The following ANO2 variants were observed in gnomAD, a reference collection of about 807,000 sequenced individuals.
ANO2 encodes the protein anoctamin-2.
Under a neutral mutation model 124.2 loss-of-function variants are expected in ANO2, and 101 were observed. The observed-to-expected ratio is 0.81, with a 90% CI of 0.69 to 0.96. The LOEUF is 0.96. ANO2 is among the 40% of genes least tolerant of loss of function. The probability of loss-of-function intolerance (pLI) is 0.00; values close to 1 mark genes in which losing one functional copy is unlikely to be tolerated. For synonymous variants in ANO2, 486 were observed against 482.5 expected (o/e 1.01, Z -0.09); for missense variants, 1,293 against 1,274.5 (o/e 1.01, Z -0.22).
chr12:5,830,286 G>A (rs1954108578), intron 6 of ANO2, 149 bp downstream of exon 6: 1 of 691,424 alleles, frequency 1.4e-6, no homozygotes, highest in African/African-American at 1.8e-5. Flanking sequence ...TGGGGAATGG[G>A]GAAGCTCTTG....
chr12:5,596,560 T>A (rs921087633), intron 20 of ANO2, among the ~76,000 whole-genome samples: 8 of 152,332 alleles, frequency 5.3e-5, no homozygotes, highest in East Asian at 1.9e-4. Context: ...GGTTTTTCAG[T>A]CTATGGTCTG....
At chr12:5,649,891 C>T (rs527338194) in intron 14 of ANO2, among the ~76,000 whole-genome samples, 8 of 152,230 alleles carry the variant, frequency 5.3e-5, no homozygotes, top group Admixed American at 3.3e-4. Context: ...TGATCTGATC[C>T]GCCTGCCTTG....
chr12:5,710,986 G>A (rs1452797871), intron 14 of ANO2, among the ~76,000 whole-genome samples: 2 of 151,634 alleles, frequency 1.3e-5, no homozygotes, highest in African/African-American at 4.8e-5. Flanking sequence ...GTGAAACCCC[G>A]TCTCTACTAA....
rs1031060685 is a variant in ANO2, at chr12:5,927,780, G to C, written c.23-4976C>G. On this transcript the variant is annotated intron_variant, in intron 1 of 24. Transcript: ENST00000682330. ...TAGCCTGAAGGCATCATCTCTAATG[G>C]GGTGAGAGGAAGATGGCTGAGAGGC... Among the ~76,000 whole-genome samples the C allele has an allele frequency of 2.0e-5, 3 of 152,350 alleles. No individual in the cohort carries two copies. The East Asian group carries it at 5.8e-4, about 29-fold the overall frequency.
Position 5,769,674 on chromosome 12 carries a change from C to T in ANO2, c.1056-18704G>A, listed in dbSNP as rs890358084. ...TCCATTAACAGCCACACCTCCCCAT[C>T]CAGAAGGAGAGGAAGATCTCAGAGT... On this transcript the variant is annotated intron_variant, in intron 10 of 24. Coordinates refer to ENST00000682330, the MANE Select transcript of ANO2 (RefSeq NM_001364791.2). This position sits in a 1 kb window ranked among gnomAD's most constrained non-coding sequence, Gnocchi z 4.0. 6.6e-6 allele frequency among the ~76,000 whole-genome samples: 1 copy of T among 152,154 alleles called. No individual in the cohort carries two copies. Among genetic ancestry groups the T allele is most frequent in the African/African-American group, 2.4e-5 (1 of 41,424 alleles).
intron 7 of ANO2, among the ~76,000 whole-genome samples, chr12:5,820,558 A>C (rs1301877376): frequency 6.6e-6 from 1 of 152,200 alleles, no homozygotes; most frequent in Non-Finnish European, 1.5e-5. Flanking sequence ...CGGCTCCCTG[A>C]CTGGTAGGGT....
intron 1 of ANO2, among the ~76,000 whole-genome samples, chr12:5,923,087 C>CACGCAT (rs1438212881): frequency 4.2e-4 from 9 of 21,322 alleles, no homozygotes; most frequent in South Asian, 5.2e-3. Context: ...CACATACACA[C>CACGCAT]ACACACGCAC....
At chr12:5,654,342 T>G (rs1172551780) in intron 14 of ANO2, among the ~76,000 whole-genome samples, 1 of 152,222 alleles carries the variant, frequency 6.6e-6, no homozygotes, top group Non-Finnish European at 1.5e-5. Flanking sequence ...TGCTTCTAGA[T>G]TTTTAATTCT....
At chr12:5,714,822 A>C (rs1039192862) in intron 14 of ANO2, among the ~76,000 whole-genome samples, 1 of 152,228 alleles carries the variant, frequency 6.6e-6, no homozygotes, top group East Asian at 1.9e-4. Flanking sequence ...AACTATATAC[A>C]ACCGGGAAAG....
intron 14 of ANO2, among the ~76,000 whole-genome samples, chr12:5,683,458 T>C (rs955554272): frequency 6.6e-6 from 1 of 151,540 alleles, no homozygotes; most frequent in Admixed American, 6.6e-5. Flanking sequence ...GACAAGTGAG[T>C]TAAAAAACAG....
rs1344227933 is a variant in ANO2 at position 5,744,326 on chromosome 12, G to C, written c.1191-9C>G. ...GGTCACACATCTCTCTGCTGCAATA[G>C]ATGGAGGTTGTTGGGTCAGGTGGAG... is the stretch of plus-strand genomic sequence containing the variant. On this transcript the variant is annotated splice_polypyrimidine_tract_variant and intron_variant, in intron 11 of 24. Coordinates refer to ENST00000682330, the MANE Select transcript of ANO2 (RefSeq NM_001364791.2). 1.2e-6 allele frequency: 2 copies of C among 1,613,846 alleles called. No individual in the cohort carries two copies. Among genetic ancestry groups the C allele is most frequent in the South Asian group, 2.2e-5 (2 of 91,056 alleles).
At chr12:5,646,085 T>A (rs544182116) in intron 15 of ANO2, among the ~76,000 whole-genome samples, 3 of 152,340 alleles carry the variant, frequency 2.0e-5, no homozygotes, top group Non-Finnish European at 2.9e-5. Flanking sequence ...CCTTTGGAGT[T>A]CTGATTTAAT....
intron 15 of ANO2, among the ~76,000 whole-genome samples, chr12:5,643,063 TACACACACAC>T (rs67252256): frequency 6.7e-6 from 1 of 149,984 alleles, no homozygotes; most frequent in Non-Finnish European, 1.5e-5. Context: ...AAATCCATTT[TACACACACAC>T]ACACACACAC....
intron 14 of ANO2, among the ~76,000 whole-genome samples, chr12:5,692,052 T>C (rs1948967192): frequency 6.6e-6 from 1 of 152,076 alleles, no homozygotes; most frequent in Non-Finnish European, 1.5e-5. Context: ...GTGATCTGAT[T>C]TACAGTCCAG....
chr12:5,894,333 GTTGT>G (rs778828696), intron 3 of ANO2, among the ~76,000 whole-genome samples: 3 of 152,036 alleles, frequency 2.0e-5, no homozygotes, highest in Non-Finnish European at 2.9e-5. Flanking sequence ...TTTTGATGGG[GTTGT>G]TTGTTTTTTT....
At position 5,692,951 on chromosome 12, in the gene ANO2, T is replaced by C. The variant is rs1308470722; in HGVS notation, c.1545+39569A>G. On this transcript the variant is annotated intron_variant, in intron 14 of 24. Transcript: ENST00000682330. Reference sequence around the variant, plus strand: ...GAGACGTTAATAACTCCTTTCATCCTGAGACATGTTCCTCGCATGACCCCC... The same window carrying C: ...GAGACGTTAATAACTCCTTTCATCCCGAGACATGTTCCTCGCATGACCCCC... 2.0e-5 allele frequency among the ~76,000 whole-genome samples: 3 copies of C among 152,220 alleles called. No individual in the cohort carries two copies. The East Asian group carries it at 5.8e-4, about 29-fold the overall frequency.
intron 20 of ANO2, among the ~76,000 whole-genome samples, chr12:5,598,470 C>T (rs1389741100): frequency 1.3e-5 from 2 of 152,178 alleles, no homozygotes; most frequent in East Asian, 3.9e-4. Flanking sequence ...ATTCTCGTGC[C>T]TCAGCCTCCC....
intron 3 of ANO2, among the ~76,000 whole-genome samples, chr12:5,864,479 C>T (rs941536837): frequency 1.3e-5 from 2 of 152,196 alleles, no homozygotes; most frequent in African/African-American, 2.4e-5. Context: ...GTTTCCTATT[C>T]ATCACAGTGA....
chr12:5,902,204 A>T (rs1267026626), intron 3 of ANO2, among the ~76,000 whole-genome samples: 2 of 152,166 alleles, frequency 1.3e-5, no homozygotes, highest in Non-Finnish European at 2.9e-5. Context: ...CAGACCAATT[A>T]GGTTGCTTAT....
Sources: allele counts gnomAD v4.1 joint callset (sites outside exome capture counted in the v4.1 genomes callset), GRCh38; gene constraint gnomAD v4.1.1; non-coding constraint Gnocchi (gnomAD v3.1); transcripts MANE v1.5; gene names NCBI Gene and HGNC (gene_info 2026-07-23, HGNC 2026-07-21).